Variants in SETD2 observed in about 807,000 individuals in gnomAD.
The protein encoded by SETD2 is histone-lysine N-methyltransferase SETD2.
Under a neutral mutation model 242.1 loss-of-function variants are expected in SETD2, and 31 were observed. The ratio of observed to expected loss-of-function variants is 0.13; its 90% confidence interval spans 0.10 to 0.17. SETD2 has a LOEUF of 0.17. Among genes scored for constraint, SETD2 ranks in the 10% least tolerant of loss-of-function variants. The pLI is 1.00. For missense variants in SETD2, 2,481 were observed against 3,046.3 expected, an observed-to-expected ratio of 0.81 and a Z score of 4.37; for synonymous variants, 1,006 against 1,066.5, an observed-to-expected ratio of 0.94 and a Z score of 1.11.
At chr3:47,056,775 A>G in intron 15 of SETD2, 46 bp downstream of exon 15, 1 of 1,511,788 alleles carries the variant, frequency 6.6e-7, no homozygotes, top group Non-Finnish European at 9.1e-7. Context: ...CTAACATCCC[A>G]TGAACAGACC....
Position 47,062,221 on chromosome 3 carries a change from T to C in SETD2, c.6235A>G (p.Ser2079Gly), listed in dbSNP as rs2107589025. 1 of 1,614,140 alleles carries C rather than the reference T, an allele frequency of 6.2e-7. No homozygotes were observed. The highest frequency in any genetic ancestry group is 8.5e-7 in the Non-Finnish European group (1 of 1,180,014). ...TQNKEKRKRR[S>G]SLSPPSSAYE... The stretch of plus-strand genomic sequence containing the variant: ...GCAGAAGAGGGTGGTGAGAGGGAGC[T>C]TCTTCGTTTCCTTTTCTCTTTATTT... Residue 2079 changes from serine to glycine, a missense_variant, in exon 14 of 21, where the codon AGC (serine) becomes GGC (glycine). By Grantham distance (56) the Ser-to-Gly change is moderately conservative. Transcript: ENST00000409792.
intron 6 of SETD2, 34 bp downstream of exon 6, chr3:47,105,963 T>C (rs2042403021): frequency 1.3e-6 from 2 of 1,592,908 alleles, no homozygotes; most frequent in Admixed American, 1.7e-5. Flanking sequence ...ACCTAACAGA[T>C]CTGTTTCAAG....
At chr3:47,132,056 G>A (rs1446232968) in intron 1 of SETD2, among the ~76,000 whole-genome samples, 1 of 151,778 alleles carries the variant, frequency 6.6e-6, no homozygotes, top group African/African-American at 2.4e-5. Flanking sequence ...GATTACAGAC[G>A]TGAGCCACTG....
intron 1 of SETD2, among the ~76,000 whole-genome samples, chr3:47,139,177 T>G (rs999404750): frequency 7.9e-5 from 12 of 152,048 alleles, no homozygotes; most frequent in Non-Finnish European, 1.6e-4. Context: ...TATTGCTCGT[T>G]TCATCACCTT....
intron 1 of SETD2, among the ~76,000 whole-genome samples, chr3:47,162,986 C>G (rs193146153): frequency 8.1e-4 from 123 of 152,272 alleles, no homozygotes; most frequent in African/African-American, 2.8e-3. Flanking sequence ...TTTAGAGAAT[C>G]CTCAAACGAT....
intron 18 of SETD2, among the ~76,000 whole-genome samples, chr3:47,033,855 G>A (rs748820411): frequency 6.6e-6 from 1 of 151,996 alleles, no homozygotes; most frequent in Non-Finnish European, 1.5e-5. Context: ...ATTTTTAGTA[G>A]AGACAGTGTT....
At chr3:47,082,574 C>T (rs941703627) in intron 12 of SETD2, among the ~76,000 whole-genome samples, 9 of 152,170 alleles carry the variant, frequency 5.9e-5, no homozygotes, top group African/African-American at 1.2e-4. Flanking sequence ...AAATTTACTA[C>T]GAACTCTTCC....
At chr3:47,027,254 C>T (rs1022528312) in intron 18 of SETD2, among the ~76,000 whole-genome samples, 1 of 147,650 alleles carries the variant, frequency 6.8e-6, no homozygotes, top group African/African-American at 2.5e-5. Context: ...AGGAGAATGG[C>T]ATGACCCGAG....
chr3:47,041,361 G>A (rs1056971361), intron 17 of SETD2: 2 of 448,788 alleles, frequency 4.5e-6, no homozygotes, highest in Admixed American at 5.0e-5. Context: ...AAAACTAACA[G>A]TTGTAGCTGG....
chr3:47,114,235 T>C (rs2042767945), intron 4 of SETD2, among the ~76,000 whole-genome samples: 1 of 152,226 alleles, frequency 6.6e-6, no homozygotes. Flanking sequence ...ACAGCCTTGA[T>C]ATCTGGTCAT....
chr3:47,051,375 G>A (rs1017429552), intron 15 of SETD2, among the ~76,000 whole-genome samples: 1 of 152,138 alleles, frequency 6.6e-6, no homozygotes, highest in Non-Finnish European at 1.5e-5. Context: ...AAAGTGCTTA[G>A]ATTACAGGCA....
intron 1 of SETD2, among the ~76,000 whole-genome samples, chr3:47,151,352 A>G (rs191615447): frequency 1.3e-5 from 2 of 152,328 alleles, no homozygotes; most frequent in African/African-American, 4.8e-5. Context: ...CATATCTTTT[A>G]AAAACTTATA....
In SETD2 at chr3:47,084,323, T is replaced by C. The variant is rs2107640728; in HGVS notation, c.5457A>G (p.Lys1819=). The change falls in exon 12 of 21, where the codon AAA becomes AAG. Residue 1819 remains lysine, a synonymous_variant. Transcript: ENST00000409792. ...ACCAGCGTTGAATAATTGGAAGTACTTTGCTTTCCTCCAACATATTTTTAG... is the reference window on the plus strand; with the variant it reads ...ACCAGCGTTGAATAATTGGAAGTACCTTGCTTTCCTCCAACATATTTTTAG... ...IPTKNMLEES[K]VLPIIQRWSQ... 6.2e-7 allele frequency: 1 copy of C among 1,614,028 alleles called. No homozygotes were observed. The highest frequency in any genetic ancestry group is 8.5e-7 in the Non-Finnish European group (1 of 1,179,904).
At chr3:47,022,193 T>TCTCA (rs770101300) in intron 18 of SETD2, among the ~76,000 whole-genome samples, 9 of 131,026 alleles carry the variant, frequency 6.9e-5, no homozygotes, top group Admixed American at 3.1e-4. Context: ...CAACAATCTG[T>TCTCA]CACACACACA....
chr3:47,108,086 T>C (rs1253297325), intron 5 of SETD2, among the ~76,000 whole-genome samples: 1 of 152,096 alleles, frequency 6.6e-6, no homozygotes, highest in African/African-American at 2.4e-5. Flanking sequence ...TCCGACCAGC[T>C]GGGCAACATG....
rs772102331 is a variant in SETD2, at chr3:47,123,049, T to C, written c.1587A>G (p.Arg529=). The part of the protein sequence containing the change: ...KRTSENEAIK[R]CCSPPNELGF... The stretch of plus-strand genomic sequence containing the variant: ...CCAGTTCATTAGGGGGAGAACAACA[T>C]CTTTTAATTGCTTCATTTTCTGAAG... Residue 529 remains arginine (R), a synonymous_variant, in exon 3 of 21, where the codon AGA becomes AGG. Coordinates refer to ENST00000409792, the MANE Select transcript of SETD2 (RefSeq NM_014159.7). 4 of 1,613,984 alleles carry C rather than the reference T, an allele frequency of 2.5e-6. No homozygotes were observed. Among genetic ancestry groups the C allele is most frequent in the Non-Finnish European group, 3.4e-6 (4 of 1,179,984 alleles).
rs764714750 is a variant in SETD2 at position 47,017,764 on chromosome 3, G to A, written c.7432-25C>T. 2.8e-5 allele frequency: 43 copies of A among 1,536,546 alleles called. No individual in the cohort carries two copies. Among genetic ancestry groups the A allele is most frequent in the African/African-American group, 2.2e-4 (16 of 73,408 alleles). ...TCTGCAGGCAGAGAAAAGAGAACAC[G>A]TTGCTCAACAGTCCAGAGAGGGCAA... On this transcript the variant is annotated intron_variant, in intron 19 of 20. Coordinates refer to ENST00000409792, the MANE Select transcript of SETD2 (RefSeq NM_014159.7). This position sits in a 1 kb window ranked among gnomAD's most constrained non-coding sequence, Gnocchi z 4.8.
intron 12 of SETD2, chr3:47,081,110 G>A: frequency 1.0e-6 from 1 of 985,266 alleles, no homozygotes; most frequent in Non-Finnish European, 1.2e-6. Context: ...CAAGTTACAA[G>A]GGGGATCATC....
intron 13 of SETD2, among the ~76,000 whole-genome samples, chr3:47,066,084 G>A (rs529106324): frequency 3.3e-5 from 5 of 152,146 alleles, no homozygotes; most frequent in South Asian, 2.1e-4. Context: ...CTTCTTCCTC[G>A]TCAGTCTGCT....
Sources: gnomAD v4.1 joint callset for allele counts (sites outside exome capture counted in the v4.1 genomes callset) on GRCh38, gnomAD v4.1.1 for gene constraint, Gnocchi (gnomAD v3.1) non-coding constraint, MANE v1.5 for transcripts, NCBI Gene and HGNC (gene_info 2026-07-23, HGNC 2026-07-21) for gene names.